The following MGMT variants were observed in gnomAD, a reference collection of about 807,000 sequenced individuals.
MGMT encodes the protein O-6-methylguanine-DNA methyltransferase.
In MGMT, 14 loss-of-function variants were observed where a neutral mutation model predicts 15.9. The observed-to-expected ratio is 0.88, with a 90% confidence interval of 0.58 to 1.37. MGMT has a LOEUF of 1.37. MGMT is among the 40% of genes most tolerant of loss of function. The pLI, the probability that MGMT is intolerant of heterozygous loss-of-function variation, is 0.00. For missense variants in MGMT, 282 were observed against 268.1 expected, an observed-to-expected ratio of 1.05 and a Z score of -0.36; for synonymous variants, 130 against 118.2, an observed-to-expected ratio of 1.10 and a Z score of -0.65.
chr10:129,551,715 C>T (rs1041450239), intron 2 of MGMT, among the ~76,000 whole-genome samples: 3 of 152,046 alleles, frequency 2.0e-5, no homozygotes, highest in African/African-American at 7.2e-5. Flanking sequence ...TTTACCAGAC[C>T]CCACCACTGG....
At chr10:129,643,762 C>T (rs1045659082) in intron 2 of MGMT, among the ~76,000 whole-genome samples, 1 of 152,186 alleles carries the variant, frequency 6.6e-6, no homozygotes, top group African/African-American at 2.4e-5. Flanking sequence ...TCTCTTTGGT[C>T]TTAACAACCC....
At position 129,737,389 on chromosome 10, in the gene MGMT, T is replaced by C. The variant is rs532376491; in HGVS notation, c.275-21813T>C. On this transcript the variant is annotated intron_variant, in intron 3 of 4. Transcript: ENST00000651593. ...CATTCTTCACGTAGTTCTCGAGCCT[T>C]GGTTTTCAGCTCCATCAGCTCCTTT... 4.1e-4 allele frequency among the ~76,000 whole-genome samples: 63 copies of C among 152,286 alleles called. 1 individual carries two copies. The highest frequency in any genetic ancestry group is 1.4e-3 in the Admixed American group (22 of 15,306).
intron 3 of MGMT, among the ~76,000 whole-genome samples, chr10:129,721,610 GACA>G (rs1375912734): frequency 6.6e-6 from 1 of 152,182 alleles, no homozygotes; most frequent in Non-Finnish European, 1.5e-5. Context: ...GAAAACATAT[GACA>G]ACAATAGCAT....
At chr10:129,529,645 T>C (rs1845908323) in intron 1 of MGMT, among the ~76,000 whole-genome samples, 1 of 146,474 alleles carries the variant, frequency 6.8e-6, no homozygotes, top group Admixed American at 6.9e-5. Context: ...TGTGTTTTCA[T>C]TTTATTCTAA....
At chr10:129,561,704 A>G (rs553020595) in intron 2 of MGMT, among the ~76,000 whole-genome samples, 15 of 152,306 alleles carry the variant, frequency 9.8e-5, no homozygotes, top group African/African-American at 2.9e-4. Flanking sequence ...CAAATAGCAT[A>G]AACTGCTATG....
chr10:129,612,436 G>C (rs1282248412), intron 2 of MGMT, among the ~76,000 whole-genome samples: 1 of 152,248 alleles, frequency 6.6e-6, no homozygotes, highest in Non-Finnish European at 1.5e-5. Flanking sequence ...AAGTCCATTT[G>C]ATGGTTGGGG....
chr10:129,643,126 GTT>G (rs1362338835), intron 2 of MGMT, among the ~76,000 whole-genome samples: 1 of 152,086 alleles, frequency 6.6e-6, no homozygotes, highest in African/African-American at 2.4e-5. Flanking sequence ...CCGCTGTCAT[GTT>G]TTTGTCTCGT....
chr10:129,547,431 A>G (rs994959815), intron 2 of MGMT, among the ~76,000 whole-genome samples: 13 of 152,130 alleles, frequency 8.5e-5, no homozygotes, highest in African/African-American at 3.1e-4. Context: ...TAAAAGTAGA[A>G]AGGCTTATGG....
At chr10:129,708,515 A>C (rs1848194409) in intron 3 of MGMT, among the ~76,000 whole-genome samples, 1 of 152,224 alleles carries the variant, frequency 6.6e-6, no homozygotes, top group Admixed American at 6.5e-5. Flanking sequence ...TTAATTTCTC[A>C]AACGTACCAG....
At chr10:129,721,005 A>G (rs924047439) in intron 3 of MGMT, among the ~76,000 whole-genome samples, 13 of 152,300 alleles carry the variant, frequency 8.5e-5, no homozygotes, top group Non-Finnish European at 1.9e-4. Context: ...TTATCGGATG[A>G]GAAGGGTAGC....
chr10:129,762,073 G>A (rs1018717090), intron 4 of MGMT, among the ~76,000 whole-genome samples: 1 of 152,234 alleles, frequency 6.6e-6, no homozygotes, highest in African/African-American at 2.4e-5. Context: ...AAGGGCGCTG[G>A]CCAGCAGTGA....
chr10:129,572,227 T>A (rs1473320625), intron 2 of MGMT, among the ~76,000 whole-genome samples: 1 of 152,130 alleles, frequency 6.6e-6, no homozygotes, highest in East Asian at 1.9e-4. Flanking sequence ...ATCTTAGGAG[T>A]AGTTAATTCT....
intron 2 of MGMT, among the ~76,000 whole-genome samples, chr10:129,621,477 GGC>G (rs1417288594): frequency 3.9e-5 from 6 of 152,174 alleles, no homozygotes; most frequent in African/African-American, 1.4e-4. Flanking sequence ...ATGTTGAAAG[GGC>G]GCAGGGGGGT....
At chr10:129,487,252 A>T (rs913968197) in intron 1 of MGMT, among the ~76,000 whole-genome samples, 7 of 152,160 alleles carry the variant, frequency 4.6e-5, no homozygotes, top group African/African-American at 1.7e-4. Flanking sequence ...GGAAGAAGTC[A>T]TGATGGTTGC....
chr10:129,620,125 A>C (rs1847074832), intron 2 of MGMT, among the ~76,000 whole-genome samples: 1 of 152,186 alleles, frequency 6.6e-6, no homozygotes, highest in Admixed American at 6.5e-5. Flanking sequence ...CATTGATAGG[A>C]AACTTTGTTT....
chr10:129,538,613 T>A (rs1018884465), intron 2 of MGMT, among the ~76,000 whole-genome samples: 1 of 152,152 alleles, frequency 6.6e-6, no homozygotes, highest in African/African-American at 2.4e-5. Context: ...TTGTGAAATA[T>A]CTACTCAAGT....
Position 129,679,665 on chromosome 10 carries a change from C to G in MGMT, c.126-28230C>G, listed in dbSNP as rs115396264. ...TTAACATTCAGCAAACAAATCCAGG[C>G]TCTACTTTTATCCTTTAATGAAAGA... On this transcript the variant is annotated intron_variant, in intron 2 of 4. Coordinates refer to ENST00000651593, the MANE Select transcript of MGMT (RefSeq NM_002412.5). 1.2e-3 allele frequency among the ~76,000 whole-genome samples: 185 copies of G among 152,254 alleles called. 1 individual carries two copies. Among genetic ancestry groups the G allele is most frequent in the African/African-American group, 3.7e-3 (153 of 41,546 alleles).
At chr10:129,635,860 A>G (rs1306381399) in intron 2 of MGMT, among the ~76,000 whole-genome samples, 1 of 152,164 alleles carries the variant, frequency 6.6e-6, no homozygotes, top group Non-Finnish European at 1.5e-5. Flanking sequence ...TCTGTCAGAG[A>G]TGAGAATAAG....
At chr10:129,608,814 C>A (rs1042512944) in intron 2 of MGMT, among the ~76,000 whole-genome samples, 3 of 152,256 alleles carry the variant, frequency 2.0e-5, no homozygotes, top group African/African-American at 7.2e-5. Context: ...CCAGCGCGTG[C>A]TCCCCAGCTG....
Sources: allele counts gnomAD v4.1 joint callset (sites outside exome capture counted in the v4.1 genomes callset), GRCh38; gene constraint gnomAD v4.1.1; transcripts MANE v1.5; gene names NCBI Gene and HGNC (gene_info 2026-07-23, HGNC 2026-07-21).